ERC2: variants seen among roughly 807,000 people sequenced by gnomAD.
ERC2 encodes ELKS/RAB6-interacting/CAST family member 2, also known as ERC protein 2.
ERC2 carries 42 observed loss-of-function variants against 114.8 expected under a neutral mutation model. The observed-to-expected ratio is 0.37, with a 90% confidence interval of 0.29 to 0.47. ERC2 has a LOEUF of 0.47. Among genes scored for constraint, ERC2 ranks in the 20% least tolerant of loss-of-function variants. The pLI is 0.99. For synonymous variants in ERC2, 454 were observed against 425.5 expected (o/e 1.07, Z -0.82); for missense variants, 939 against 1,150.7 (o/e 0.82, Z 2.66).
chr3:55,733,536 T>TCACACACACA (rs1388408863), intron 15 of ERC2, among the ~76,000 whole-genome samples: 2 of 68,534 alleles, frequency 2.9e-5, no homozygotes, highest in African/African-American at 5.5e-5. Context: ...ATTCTTTCTC[T>TCACACACACA]CTCTCTCACA....
At chr3:55,713,378 T>G (rs1256664323) in intron 15 of ERC2, among the ~76,000 whole-genome samples, 4 of 151,964 alleles carry the variant, frequency 2.6e-5, no homozygotes, top group Non-Finnish European at 4.4e-5. Context: ...GCCTGGTTAA[T>G]TTTTGTATTT....
chr3:55,719,923 C>A (rs1174227071), intron 15 of ERC2, among the ~76,000 whole-genome samples: 2 of 151,664 alleles, frequency 1.3e-5, no homozygotes, highest in Admixed American at 1.3e-4. Flanking sequence ...TGGAACCCAT[C>A]CTGAACTGGG....
At chr3:55,696,741 C>T (rs2062952033) in intron 16 of ERC2, among the ~76,000 whole-genome samples, 1 of 152,068 alleles carries the variant, frequency 6.6e-6, no homozygotes, top group Admixed American at 6.5e-5. Context: ...CTCAAATCTC[C>T]AGTATAGGAC....
At chr3:55,730,542 G>A (rs925001745) in intron 15 of ERC2, among the ~76,000 whole-genome samples, 1 of 152,174 alleles carries the variant, frequency 6.6e-6, no homozygotes, top group Admixed American at 6.5e-5. Flanking sequence ...TGGTGGTCTG[G>A]GAAGGGGAGA....
chr3:56,040,674 A>ATATGTATATATACATATATAGATT, intron 7 of ERC2, among the ~76,000 whole-genome samples: 1 of 33,348 alleles, frequency 3.0e-5, no homozygotes, highest in Non-Finnish European at 6.8e-5. Context: ...ATATATAGAT[A>ATATGTATATATACATATATAGATT]GATACATATA....
intron 6 of ERC2, among the ~76,000 whole-genome samples, chr3:56,123,361 T>C (rs1001388732): frequency 6.6e-6 from 1 of 151,826 alleles, no homozygotes; most frequent in East Asian, 1.9e-4. Context: ...GAAGGTGCCA[T>C]CTGTGAACCA....
At chr3:55,877,387 C>T (rs1238139882) in intron 14 of ERC2, among the ~76,000 whole-genome samples, 3 of 152,178 alleles carry the variant, frequency 2.0e-5, no homozygotes, top group African/African-American at 4.8e-5. Context: ...CCAGGTCAGG[C>T]GTGCCTGGGC....
intron 15 of ERC2, among the ~76,000 whole-genome samples, chr3:55,720,762 G>C (rs938436110): frequency 2.0e-5 from 3 of 152,154 alleles, no homozygotes; most frequent in Non-Finnish European, 4.4e-5. Flanking sequence ...TTTATGTTGA[G>C]AGATTGTCAC....
At chr3:55,866,853 G>A (rs2062341048) in intron 14 of ERC2, among the ~76,000 whole-genome samples, 1 of 152,054 alleles carries the variant, frequency 6.6e-6, no homozygotes, top group African/African-American at 2.4e-5. Flanking sequence ...TTCAAAGCTT[G>A]TTCATCATCA....
intron 14 of ERC2, among the ~76,000 whole-genome samples, chr3:55,755,716 C>T (rs541529011): frequency 2.0e-5 from 3 of 152,252 alleles, no homozygotes; most frequent in African/African-American, 7.2e-5. Flanking sequence ...ACAAAAACTC[C>T]CTGCTGGTGA....
chr3:56,189,619 G>A (rs2083860748), intron 3 of ERC2, among the ~76,000 whole-genome samples: 1 of 152,230 alleles, frequency 6.6e-6, no homozygotes, highest in African/African-American at 2.4e-5. Context: ...GGCTCACAGT[G>A]AACAAGTCCG....
intron 7 of ERC2, among the ~76,000 whole-genome samples, chr3:56,051,080 A>G (rs1391628564): frequency 2.6e-5 from 4 of 152,194 alleles, no homozygotes; most frequent in Non-Finnish European, 4.4e-5. Flanking sequence ...TCTACCCAAC[A>G]GAAGACACAG....
At chr3:55,808,717 ATATATATATATATATATATATATAT>A (rs2059589758) in intron 14 of ERC2, among the ~76,000 whole-genome samples, 2 of 108,822 alleles carry the variant, frequency 1.8e-5, no homozygotes, top group African/African-American at 8.1e-5. Flanking sequence ...ATATATATAT[ATATATATATATATATATATATATAT>A]AACGTATAAC....
chr3:55,761,879 A>C (rs1290144172), intron 14 of ERC2, among the ~76,000 whole-genome samples: 1 of 150,494 alleles, frequency 6.6e-6, no homozygotes, highest in African/African-American at 2.4e-5. Context: ...CCGTCTCAAA[A>C]AAAAAAAAAA....
chr3:55,964,035 AT>A (rs1361717813), intron 12 of ERC2, among the ~76,000 whole-genome samples: 1 of 152,278 alleles, frequency 6.6e-6, no homozygotes, highest in Non-Finnish European at 1.5e-5. Context: ...AAATTAGAGT[AT>A]GGAAGTAATG....
intron 17 of ERC2, among the ~76,000 whole-genome samples, chr3:55,550,778 AG>A (rs1013998943): frequency 3.9e-5 from 6 of 152,184 alleles, no homozygotes; most frequent in Non-Finnish European, 7.3e-5. Flanking sequence ...GCACTTTGGG[AG>A]GCCAAGGCGG....
chr3:55,634,106 T>A (rs2059860435), intron 17 of ERC2, among the ~76,000 whole-genome samples: 1 of 152,192 alleles, frequency 6.6e-6, no homozygotes, highest in South Asian at 2.1e-4. Flanking sequence ...TCTGGTTCCC[T>A]CCTCTTCCTA....
chr3:55,655,645 T>C (rs1049174554), intron 17 of ERC2, among the ~76,000 whole-genome samples: 2 of 152,260 alleles, frequency 1.3e-5, no homozygotes, highest in South Asian at 4.2e-4. Flanking sequence ...ACCCTATGGA[T>C]AGTTGCTGGG....
intron 3 of ERC2, among the ~76,000 whole-genome samples, chr3:56,233,807 G>A (rs1052016739): frequency 6.6e-6 from 1 of 151,984 alleles, no homozygotes; most frequent in Non-Finnish European, 1.5e-5. Flanking sequence ...CATGGGCATC[G>A]ACCATCTTCA....
Sources: allele counts gnomAD v4.1 joint callset (sites outside exome capture counted in the v4.1 genomes callset), GRCh38; gene constraint gnomAD v4.1.1; transcripts MANE v1.5; gene names NCBI Gene and HGNC (gene_info 2026-07-23, HGNC 2026-07-21).